The following ZNF37A variants were observed in gnomAD, a reference collection of about 807,000 sequenced individuals.
The protein encoded by ZNF37A is zinc finger protein 37A, also known as zinc finger protein 37a (KOX 21).
In ZNF37A, 10 loss-of-function variants were observed where a neutral mutation model predicts 12.3. That is an observed-to-expected ratio of 0.82 (90% CI 0.50 to 1.38). ZNF37A has a LOEUF of 1.38. ZNF37A is among the 40% of genes most tolerant of loss of function. The pLI is 0.00. For synonymous variants in ZNF37A, 207 were observed against 223.0 expected (o/e 0.93, Z 0.64); for missense variants, 580 against 651.2 (o/e 0.89, Z 1.19).
At chr10:38,132,043 A>T (rs185130921) in intron 7 of ZNF37A, among the ~76,000 whole-genome samples, 1 of 152,060 alleles carries the variant, frequency 6.6e-6, no homozygotes, top group Admixed American at 6.6e-5. Context: ...TATTCTACAT[A>T]TAGGTTCATG....
intron 7 of ZNF37A, 177 bp downstream of exon 7, chr10:38,115,467 C>T: frequency 1.3e-6 from 1 of 783,976 alleles, no homozygotes; most frequent in East Asian, 3.0e-5. Flanking sequence ...CAGCATCTCC[C>T]AGTATCACTT....
rs1231553220 is a variant in ZNF37A at position 38,095,584 on chromosome 10, G to A, written c.-151G>A. The A allele has an allele frequency of 6.6e-6, 1 of 152,194 alleles. No homozygotes were observed. Among genetic ancestry groups the A allele is most frequent in the Non-Finnish European group, 1.5e-5 (1 of 68,046 alleles). The allele number at this position is 152,194 out of a possible 1,614,324, so 9.4% of individuals were successfully genotyped here. On this transcript the variant is annotated 5_prime_UTR_variant, in exon 3 of 8. The change abolishes an upstream ATG in the 5' untranslated region. Transcript: ENST00000685332. ...GCAGCACAACTAGAGATGTACGGAT[G>A]CCCCCATCTTGATCTTACAGAATCA...
chr10:38,116,338 G>T (rs2069268287), intron 7 of ZNF37A, among the ~76,000 whole-genome samples: 1 of 152,210 alleles, frequency 6.6e-6, no homozygotes, highest in Admixed American at 6.5e-5. Flanking sequence ...TATTGTTATA[G>T]CAATCCAGCT....
chr10:38,120,824 G>A lies in ZNF37A; in HGVS notation c.*1987G>A, dbSNP rs1249800961. The A allele has an allele frequency of 6.6e-6, 1 of 152,244 alleles. No homozygotes were observed. The highest frequency in any genetic ancestry group is 1.5e-5 in the Non-Finnish European group (1 of 68,052). 9.4% of individuals were successfully genotyped at this position (152,244 alleles called of 1,614,324 possible). A position where few individuals can be genotyped will look rare whatever the true frequency, so the allele number is the denominator to read the frequency against. Reference sequence around the variant, plus strand: ...CTCAAGAAATTTCCAGATGTCTCATGCTGCATAGGGCAGGAGCCTGAAAAG... The same window carrying A: ...CTCAAGAAATTTCCAGATGTCTCATACTGCATAGGGCAGGAGCCTGAAAAG... On this transcript the variant is annotated 3_prime_UTR_variant, in exon 8 of 8. Coordinates refer to ENST00000685332, the MANE Select transcript of ZNF37A (RefSeq NM_001324250.3).
intron 5 of ZNF37A, among the ~76,000 whole-genome samples, chr10:38,102,584 A>T (rs1373150086): frequency 6.6e-6 from 1 of 152,232 alleles, no homozygotes; most frequent in Non-Finnish European, 1.5e-5. Context: ...GAGAGAACAT[A>T]AAAGCCAAGA....
chr10:38,128,299 G>A (rs2069958035), downstream of ZNF37A, among the ~76,000 whole-genome samples: 1 of 152,052 alleles, frequency 6.6e-6, no homozygotes, highest in Admixed American at 6.6e-5. Context: ...ATTTATGTCG[G>A]GCCCTGGGGT....
intron 1 of ZNF37A, 21 bp from the exon 2 acceptor site, chr10:38,094,910 C>T (rs977571296): frequency 6.6e-6 from 1 of 152,300 alleles, no homozygotes; most frequent in African/African-American, 2.4e-5. Flanking sequence ...CAGCGTCACT[C>T]GGCTTGCTGT....
Position 38,124,142 on chromosome 10 carries a change from T to C in ZNF37A, c.*5305T>C, listed in dbSNP as rs1164797270. Reference sequence around the variant, plus strand: ...GGTACATAAACACAATGGAGTACTATTCAGCCATAAAAAAGAATGAGATCC... The same window carrying C: ...GGTACATAAACACAATGGAGTACTACTCAGCCATAAAAAAGAATGAGATCC... On this transcript the variant is annotated 3_prime_UTR_variant, in exon 8 of 8. Transcript: ENST00000685332. 2 of 152,174 alleles carry C rather than the reference T, an allele frequency of 1.3e-5. No individual in the cohort carries two copies. Among genetic ancestry groups the C allele is most frequent in the East Asian group, 3.9e-4 (2 of 5,184 alleles). The allele number at this position is 152,174 out of a possible 1,614,324, so 9.4% of individuals were successfully genotyped here.
chr10:38,117,161 C>T lies in ZNF37A; in HGVS notation c.239-229C>T, dbSNP rs1181258991. 3 of 984,628 alleles carry T rather than the reference C, an allele frequency of 3.0e-6. No homozygotes were observed. In the African/African-American group the frequency reaches 5.2e-5, roughly 17 times the overall value. The allele number at this position is 984,628 out of a possible 1,614,324, so 61.0% of individuals were successfully genotyped here. ...AACAACCAAGAACAACAAAACCACA[C>T]AGAATTGGAGCCTGGATTATAGGAC... On this transcript the variant is annotated intron_variant, in intron 7 of 7. Coordinates refer to ENST00000685332, the MANE Select transcript of ZNF37A (RefSeq NM_001324250.3).
At chr10:38,115,062 ATGAAGTGTGTGTG>A in intron 6 of ZNF37A, 120 bp from the exon 7 acceptor site, 1 of 1,000,968 alleles carries the variant, frequency 1.0e-6, no homozygotes, top group Non-Finnish European at 1.4e-6. Flanking sequence ...ACAGGATTAA[ATGAAGTGTGTGTG>A]TGTGTGTGTG....
intron 7 of ZNF37A, chr10:38,139,007 G>A (rs1453429249): frequency 6.6e-6 from 1 of 152,218 alleles, no homozygotes; most frequent in Non-Finnish European, 1.5e-5. Flanking sequence ...TTTTAGAGCT[G>A]TAGCCTATCT....
At chr10:38,129,319 A>AAAAAAAAAAAAAAAAAAAAAC, downstream of ZNF37A, among the ~76,000 whole-genome samples, 15 of 116,274 alleles carry the variant, frequency 1.3e-4, no homozygotes, top group Admixed American at 2.4e-4. Flanking sequence ...AAAAAAAAAA[A>AAAAAAAAAAAAAAAAAAAAAC]AAACTATTAT....
intron 5 of ZNF37A, among the ~76,000 whole-genome samples, chr10:38,111,342 G>A (rs1459621103): frequency 7.2e-5 from 11 of 152,012 alleles, no homozygotes; most frequent in Non-Finnish European, 1.6e-4. Flanking sequence ...GGGGGTTGGG[G>A]GCTAGGGGAG....
chr10:38,112,091 A>C (rs1431035461), intron 5 of ZNF37A, among the ~76,000 whole-genome samples: 1 of 151,198 alleles, frequency 6.6e-6, no homozygotes, highest in Admixed American at 6.6e-5. Context: ...CTGTTTTAAC[A>C]GGCATTTTTC....
intron 5 of ZNF37A, among the ~76,000 whole-genome samples, chr10:38,106,030 A>C (rs902727530): frequency 2.6e-5 from 4 of 151,964 alleles, no homozygotes; most frequent in African/African-American, 9.7e-5. Context: ...GTTGAATTGC[A>C]GTGGTGTGAA....
Position 38,099,058 on chromosome 10 carries a change from C to T in ZNF37A, c.15+2426C>T, listed in dbSNP as rs188824767. 2.0e-5 allele frequency among the ~76,000 whole-genome samples: 3 copies of T among 152,210 alleles called. No individual in the cohort carries two copies. In the East Asian group the frequency reaches 5.8e-4, roughly 29 times the overall value. Reference sequence around the variant, plus strand: ...AATTTGGGTGTGTGTATTTATTTAGCCTAATTGCTGTGGCTGGAATTTTTA... The same window carrying T: ...AATTTGGGTGTGTGTATTTATTTAGTCTAATTGCTGTGGCTGGAATTTTTA... On this transcript the variant is annotated intron_variant, in intron 5 of 7. Coordinates refer to ENST00000685332, the MANE Select transcript of ZNF37A (RefSeq NM_001324250.3).
chr10:38,104,821 T>C (rs2067908613), intron 5 of ZNF37A, among the ~76,000 whole-genome samples: 1 of 152,144 alleles, frequency 6.6e-6, no homozygotes, highest in Non-Finnish European at 1.5e-5. Flanking sequence ...TATTTTTGTA[T>C]TGGTCTGTCT....
intron 7 of ZNF37A, chr10:38,137,854 G>C (rs2474595): frequency 0.41 from 62,577 of 152,106 alleles, 13,064 homozygotes; most frequent in East Asian, 0.5. Context: ...TGTGCAGATA[G>C]AGATGGATTT....
chr10:38,127,954 A>C (rs1425309091), downstream of ZNF37A, among the ~76,000 whole-genome samples: 2 of 152,208 alleles, frequency 1.3e-5, 1 homozygote, highest in East Asian at 3.8e-4. Context: ...GTATAATTCT[A>C]GTGGGCAGAG....
Sources: allele counts gnomAD v4.1 joint callset (sites outside exome capture counted in the v4.1 genomes callset), GRCh38; gene constraint gnomAD v4.1.1; transcripts MANE v1.5; gene names NCBI Gene and HGNC (gene_info 2026-07-23, HGNC 2026-07-21).